Variants in SCN9A observed in about 807,000 individuals in gnomAD.
SCN9A encodes sodium channel protein type 9 subunit alpha.
Under a neutral mutation model 187.0 loss-of-function variants are expected in SCN9A, and 131 were observed. The ratio of observed to expected loss-of-function variants is 0.70; its 90% CI spans 0.61 to 0.81. The LOEUF (loss-of-function observed/expected upper bound fraction) is 0.81. Ranked by LOEUF, SCN9A falls within the 30% of genes least tolerant of loss-of-function variation. The probability of loss-of-function intolerance (pLI) is 0.00; values close to 1 mark genes in which losing one functional copy is unlikely to be tolerated. For synonymous variants in SCN9A, 809 were observed against 808.6 expected, an observed-to-expected ratio of 1.00 and a Z score of -0.01; for missense variants, 2,252 against 2,396.6, an observed-to-expected ratio of 0.94 and a Z score of 1.26.
chr2:166,374,858 A>G (rs1295160752), intron 1 of SCN9A, among the ~76,000 whole-genome samples: 1 of 152,028 alleles, frequency 6.6e-6, no homozygotes, highest in African/African-American at 2.4e-5. Flanking sequence ...AACCCCCCTA[A>G]GTTTCTCATG....
intron 6 of SCN9A, 24 bp from the exon 7 acceptor site, chr2:166,303,326 T>C (rs1392541237): frequency 1.3e-6 from 2 of 1,587,104 alleles, no homozygotes; most frequent in Non-Finnish European, 8.6e-7. Flanking sequence ...AAAAAAGTGT[T>C]TGTAATGACA....
In SCN9A at chr2:166,299,114, C is replaced by T. The variant is rs543659225; in HGVS notation, c.901+3976G>A. ...GCTCCCCTTTACTCTTTCACTTTCA[C>T]GAGGACTTGACTTCTCCCTCTCTCT... On this transcript the variant is annotated intron_variant, in intron 7 of 26. Coordinates refer to ENST00000642356, the MANE Select transcript of SCN9A (RefSeq NM_001365536.1). 1.1e-4 allele frequency among the ~76,000 whole-genome samples: 17 copies of T among 152,268 alleles called. 1 individual carries two copies. The East Asian group carries it at 3.1e-3, about 28-fold the overall frequency.
At position 166,195,226 on chromosome 2, in the gene SCN9A, G is replaced by A. The variant is rs1444537474; in HGVS notation, c.*3446C>T. On this transcript the variant is annotated 3_prime_UTR_variant, in exon 27 of 27. Transcript: ENST00000642356. ...TTTTATTCTTAGATTATATTACAAT[G>A]TGTCAGTCTCAAGTATAACTACAAT... 3 of 152,104 alleles carry A rather than the reference G, an allele frequency of 2.0e-5. No homozygotes were observed. The highest frequency in any genetic ancestry group is 7.2e-5 in the African/African-American group (3 of 41,424). 9.4% of individuals were successfully genotyped at this position (152,104 alleles called of 1,614,324 possible).
rs181414423 is a variant in SCN9A, at chr2:166,321,012, A to C, written c.-50-9206T>G. On this transcript the variant is annotated intron_variant, in intron 1 of 26. Coordinates refer to ENST00000642356, the MANE Select transcript of SCN9A (RefSeq NM_001365536.1). Reference sequence around the variant, plus strand: ...CATGTCTACTTTTAAAAAGCATAAAATACTAACGTGAACCCTCCATTTGAT... The same window carrying C: ...CATGTCTACTTTTAAAAAGCATAAACTACTAACGTGAACCCTCCATTTGAT... 1.2e-3 allele frequency among the ~76,000 whole-genome samples: 182 copies of C among 152,342 alleles called. 5 individuals carry two copies. Among genetic ancestry groups the C allele is most frequent in the Admixed American group, 0.01 (155 of 15,300 alleles).
intron 1 of SCN9A, among the ~76,000 whole-genome samples, chr2:166,348,631 C>T (rs1699959938): frequency 1.3e-5 from 2 of 152,100 alleles, no homozygotes; most frequent in South Asian, 2.1e-4. Context: ...AAAAAATCAT[C>T]AGTGGCTTCT....
At chr2:166,283,665 A>G (rs945647798) in intron 12 of SCN9A, among the ~76,000 whole-genome samples, 1 of 152,152 alleles carries the variant, frequency 6.6e-6, no homozygotes, top group African/African-American at 2.4e-5. Flanking sequence ...CTTGCATTTC[A>G]GATATTTTGT....
At chr2:166,364,859 T>C (rs1470599263) in intron 1 of SCN9A, among the ~76,000 whole-genome samples, 2 of 152,180 alleles carry the variant, frequency 1.3e-5, no homozygotes, top group Non-Finnish European at 2.9e-5. Flanking sequence ...ATATAAATTT[T>C]TAAATTCACT....
Position 166,288,620 on chromosome 2 carries a change from G to C in SCN9A, c.1131C>G (p.Thr377=). ...TCACTACGACAAAGAAGATCATGTA[G>C]GTTTTGCCAGCAGCACGCAGCGTCT... is the stretch of plus-strand genomic sequence containing the variant. ...YQQTLRAAGK[T]YMIFFVVVIF... The change falls in exon 10 of 27, where the codon ACC becomes ACG. Residue 377 remains threonine, a synonymous_variant. Transcript: ENST00000642356. The C allele has an allele frequency of 6.2e-7, 1 of 1,603,210 alleles. No homozygotes were observed. Among genetic ancestry groups the C allele is most frequent in the Non-Finnish European group, 8.5e-7 (1 of 1,173,164 alleles).
intron 1 of SCN9A, among the ~76,000 whole-genome samples, chr2:166,361,810 A>T (rs11901118): frequency 1.2e-4 from 18 of 151,990 alleles, no homozygotes; most frequent in Admixed American, 4.6e-4. Flanking sequence ...TTGTTTTTTT[A>T]AAAAAATGAA....
chr2:166,262,560 T>C (rs1037643788), intron 17 of SCN9A, among the ~76,000 whole-genome samples: 2 of 151,964 alleles, frequency 1.3e-5, no homozygotes, highest in Non-Finnish European at 2.9e-5. Flanking sequence ...AATTTCACCC[T>C]GAATTACACC....
chr2:166,306,567 A>AGAAT lies in SCN9A; in HGVS notation c.406_409dup (p.Leu137HisfsTer12), dbSNP rs1430064656. 6.3e-7 allele frequency: 1 copy of AGAAT among 1,583,264 alleles called. No homozygotes were observed. Among genetic ancestry groups the AGAAT allele is most frequent in the African/African-American group, 1.3e-5 (1 of 74,518 alleles). On this transcript the variant is annotated frameshift_variant, in exon 4 of 27. Coordinates refer to ENST00000642356, the MANE Select transcript of SCN9A (RefSeq NM_001365536.1). LOFTEE classifies it high-confidence loss of function. ...CATGGTCATAAATATGCAGTTTGTCAGAATAGTGCACATGATGAGCATGCT... is the reference window on the plus strand; with the variant it reads ...CATGGTCATAAATATGCAGTTTGTCAGAATGAATAGTGCACATGATGAGCATGCT...
chr2:166,364,748 G>A (rs1193341402), intron 1 of SCN9A, among the ~76,000 whole-genome samples: 1 of 152,068 alleles, frequency 6.6e-6, no homozygotes, highest in Non-Finnish European at 1.5e-5. Context: ...TTCTGAAGAT[G>A]GATGGTGGTG....
intron 1 of SCN9A, among the ~76,000 whole-genome samples, chr2:166,353,039 C>A (rs1574956727): frequency 1.3e-5 from 2 of 148,450 alleles, no homozygotes. Flanking sequence ...CTTATTAAAA[C>A]ATCACAAATT....
chr2:166,273,403 T>A (rs566904445), intron 16 of SCN9A, among the ~76,000 whole-genome samples: 1 of 152,146 alleles, frequency 6.6e-6, no homozygotes, highest in Non-Finnish European at 1.5e-5. Flanking sequence ...GTTCCTGTAA[T>A]AAAATATTCT....
intron 10 of SCN9A, among the ~76,000 whole-genome samples, chr2:166,287,156 C>CT (rs1235084368): frequency 2.0e-5 from 3 of 152,100 alleles, no homozygotes; most frequent in Non-Finnish European, 4.4e-5. Flanking sequence ...TAACCTAGTA[C>CT]TATCCCTTTA....
chr2:166,239,612 G>A (rs1558974628), intron 19 of SCN9A, among the ~76,000 whole-genome samples: 1 of 152,264 alleles, frequency 6.6e-6, no homozygotes, highest in East Asian at 1.9e-4. Context: ...GAAGTGCAGA[G>A]GGAGGCTTCT....
intron 19 of SCN9A, among the ~76,000 whole-genome samples, chr2:166,241,462 G>A (rs1695562296): frequency 6.6e-6 from 1 of 152,112 alleles, no homozygotes; most frequent in South Asian, 2.1e-4. Flanking sequence ...TGCTTCACAA[G>A]CTGACCTTGC....
intron 16 of SCN9A, among the ~76,000 whole-genome samples, chr2:166,275,796 A>ATCTAG (rs1443624949): frequency 1.3e-5 from 2 of 152,176 alleles, no homozygotes; most frequent in Non-Finnish European, 2.9e-5. Context: ...TGCAGTAAAA[A>ATCTAG]TCTAGAATTT....
chr2:166,248,675 T>C (rs1233140005), intron 18 of SCN9A, among the ~76,000 whole-genome samples: 2 of 152,152 alleles, frequency 1.3e-5, no homozygotes, highest in Admixed American at 1.3e-4. Flanking sequence ...TTTTATTTGT[T>C]TGTTTGTTGG....
Sources: gnomAD v4.1 joint callset for allele counts (sites outside exome capture counted in the v4.1 genomes callset) on GRCh38, gnomAD v4.1.1 for gene constraint, MANE v1.5 for transcripts, NCBI Gene and HGNC (gene_info 2026-07-23, HGNC 2026-07-21) for gene names.